Variants in CD96 observed in about 807,000 individuals in gnomAD.
The protein encoded by CD96 is CD96 molecule, also known as T-cell surface protein tactile.
Under a neutral mutation model 71.3 loss-of-function variants are expected in CD96, and 70 were observed. That is an observed-to-expected ratio of 0.98 (90% CI 0.81 to 1.20). The LOEUF (loss-of-function observed/expected upper bound fraction) is 1.20. CD96 is among the 50% of genes most tolerant of loss of function. CD96 has a pLI of 0.00. For synonymous variants in CD96, 248 were observed against 233.0 expected, an observed-to-expected ratio of 1.06 and a Z score of -0.59; for missense variants, 742 against 677.5, an observed-to-expected ratio of 1.10 and a Z score of -1.06.
chr3:111,561,980 G>C (rs546448123), intron 2 of CD96, among the ~76,000 whole-genome samples: 29 of 151,168 alleles, frequency 1.9e-4, no homozygotes, highest in Non-Finnish European at 3.5e-4. Context: ...TTCCAGGTGC[G>C]TCCGTCACCC....
intron 8 of CD96, among the ~76,000 whole-genome samples, chr3:111,620,030 G>A (rs1938443180): frequency 6.6e-6 from 1 of 152,182 alleles, no homozygotes; most frequent in Admixed American, 6.5e-5. Context: ...ATGGACAGGT[G>A]CCAGACATGG....
rs1342971593 is a variant in CD96, at chr3:111,545,410, T to G, written c.418+8T>G. The G allele has an allele frequency of 6.7e-7, 1 of 1,494,292 alleles. No homozygotes were observed. Among genetic ancestry groups the G allele is most frequent in the African/African-American group, 1.4e-5 (1 of 72,594 alleles). The allele number at this position is 1,494,292 out of a possible 1,614,324, so 92.6% of individuals were successfully genotyped here. A position where few individuals can be genotyped will look rare whatever the true frequency, so the allele number is the denominator to read the frequency against. The stretch of plus-strand genomic sequence containing the variant: ...TTCTCATTCAGACACACGGTAAGCA[T>G]AACTGGTAGAGGGATGTGCTTTCAT... On this transcript the variant is annotated splice_region_variant and intron_variant, in intron 2 of 13. Transcript: ENST00000352690.
At chr3:111,551,125 G>T (rs962165806) in intron 2 of CD96, among the ~76,000 whole-genome samples, 1 of 152,154 alleles carries the variant, frequency 6.6e-6, no homozygotes, top group Non-Finnish European at 1.5e-5. Flanking sequence ...GACCAATGAG[G>T]TTGGAGAACA....
intron 14 of CD96, among the ~76,000 whole-genome samples, chr3:111,657,639 A>T (rs1184384251): frequency 6.6e-6 from 1 of 152,158 alleles, no homozygotes; most frequent in Non-Finnish European, 1.5e-5. Flanking sequence ...ATGTGTTGTC[A>T]TTGGGTGCCC....
At chr3:111,657,662 A>T (rs1447446296) in intron 14 of CD96, among the ~76,000 whole-genome samples, 1 of 152,174 alleles carries the variant, frequency 6.6e-6, no homozygotes, top group Non-Finnish European at 1.5e-5. Flanking sequence ...GTTCTCATTG[A>T]GGGAAAAGGA....
intron 8 of CD96, among the ~76,000 whole-genome samples, chr3:111,612,470 G>A (rs777270415): frequency 1.3e-5 from 2 of 152,164 alleles, no homozygotes; most frequent in African/African-American, 2.4e-5. Flanking sequence ...ATTAATATTT[G>A]TTGGTTGCCT....
At chr3:111,550,402 C>T (rs922736439) in intron 2 of CD96, among the ~76,000 whole-genome samples, 8 of 151,916 alleles carry the variant, frequency 5.3e-5, no homozygotes, top group Admixed American at 5.3e-4. Context: ...TCTGTTGATA[C>T]TACAGTAGTG....
rs1216564791 is a variant in CD96, at chr3:111,559,276, TC to T, written c.419-8246del. 8.0e-4 allele frequency among the ~76,000 whole-genome samples: 97 copies of T among 121,394 alleles called. 1 individual carries two copies. The highest frequency in any genetic ancestry group is 2.8e-3 in the African/African-American group (89 of 31,686). The allele number at this position is 121,394 out of a possible 152,430, so 79.6% of individuals were successfully genotyped here. A position where few individuals can be genotyped will look rare whatever the true frequency, so the allele number is the denominator to read the frequency against. On this transcript the variant is annotated intron_variant, in intron 2 of 13. Coordinates refer to ENST00000352690, the MANE Select transcript of CD96 (RefSeq NM_005816.5). ...TTTTGAATGTGTTTGCTCTTGCTTTTCTAGTTCTTTTAATTGTGATGTTAGG... is the reference window on the plus strand; with the variant it reads ...TTTTGAATGTGTTTGCTCTTGCTTTTTAGTTCTTTTAATTGTGATGTTAGG...
intron 10 of CD96, among the ~76,000 whole-genome samples, chr3:111,632,370 G>A (rs901498104): frequency 2.6e-5 from 4 of 152,076 alleles, no homozygotes; most frequent in African/African-American, 9.7e-5. Context: ...TGAAAAAAAA[G>A]CTCAACATCA....
At chr3:111,612,327 TTGTC>T (rs1257636032) in intron 8 of CD96, among the ~76,000 whole-genome samples, 1 of 152,238 alleles carries the variant, frequency 6.6e-6, no homozygotes, top group Non-Finnish European at 1.5e-5. Flanking sequence ...CTCACCAGGA[TTGTC>T]TGCCTAAATA....
chr3:111,585,782 GT>G (rs1291463845), intron 5 of CD96, among the ~76,000 whole-genome samples: 4 of 152,070 alleles, frequency 2.6e-5, no homozygotes, highest in Non-Finnish European at 5.9e-5. Flanking sequence ...CTTTCCCATT[GT>G]TTTTATTTCA....
chr3:111,596,184 A>T (rs895413005), intron 5 of CD96, among the ~76,000 whole-genome samples: 7 of 151,806 alleles, frequency 4.6e-5, no homozygotes, highest in Admixed American at 4.6e-4. Context: ...AAATAAAATG[A>T]ATAAATAAAA....
At chr3:111,647,015 C>A (rs764733228) in intron 12 of CD96, among the ~76,000 whole-genome samples, 1 of 148,662 alleles carries the variant, frequency 6.7e-6, no homozygotes, top group Non-Finnish European at 1.5e-5. Flanking sequence ...AACTAAACAT[C>A]GAGTACATAT....
In CD96 at chr3:111,564,935, C is replaced by G. The variant is rs139198629; in HGVS notation, c.419-2588C>G. 5.4e-4 allele frequency among the ~76,000 whole-genome samples: 82 copies of G among 152,274 alleles called. 3 individuals carry two copies. In the East Asian group the frequency reaches 0.011, roughly 20 times the overall value. On this transcript the variant is annotated intron_variant, in intron 2 of 13. Transcript: ENST00000352690. ...TACCTAAATTGCCTATTTGATTTCT[C>G]TTAGTGGACCTGTCCTGTCTTATTG... is the stretch of plus-strand genomic sequence containing the variant.
intron 2 of CD96, among the ~76,000 whole-genome samples, chr3:111,556,024 C>T (rs1232253576): frequency 6.6e-6 from 1 of 152,286 alleles, no homozygotes; most frequent in African/African-American, 2.4e-5. Flanking sequence ...ATTCTTTCTT[C>T]AGCCATCTCA....
intron 2 of CD96, among the ~76,000 whole-genome samples, chr3:111,548,012 T>C (rs1273025498): frequency 6.6e-6 from 1 of 152,190 alleles, no homozygotes; most frequent in Non-Finnish European, 1.5e-5. Context: ...CTTTACTGTT[T>C]TGATCTTCTC....
intron 8 of CD96, among the ~76,000 whole-genome samples, chr3:111,610,509 G>A (rs532830907): frequency 2.0e-5 from 3 of 152,262 alleles, no homozygotes; most frequent in African/African-American, 7.2e-5. Context: ...TTTTTTCCTC[G>A]ATGAAAGGAT....
chr3:111,568,971 A>T (rs1225674598), intron 3 of CD96, among the ~76,000 whole-genome samples: 1 of 152,238 alleles, frequency 6.6e-6, no homozygotes, highest in African/African-American at 2.4e-5. Flanking sequence ...TGATTACTGT[A>T]TGTTAATTTT....
chr3:111,655,338 A>AC (rs1940203432), downstream of CD96, among the ~76,000 whole-genome samples: 1 of 152,206 alleles, frequency 6.6e-6, no homozygotes, highest in South Asian at 2.1e-4. Context: ...AATTGATATT[A>AC]AAAAAATCTA....
Sources: allele counts gnomAD v4.1 joint callset (sites outside exome capture counted in the v4.1 genomes callset), GRCh38; gene constraint gnomAD v4.1.1; transcripts MANE v1.5; gene names NCBI Gene and HGNC (gene_info 2026-07-23, HGNC 2026-07-21).